PLEKHA5: variants seen among roughly 807,000 people sequenced by gnomAD.
The protein encoded by PLEKHA5 is pleckstrin homology domain-containing family A member 5.
A neutral mutation model predicts 181.9 loss-of-function variants in PLEKHA5; 55 were observed. The observed-to-expected ratio is 0.30, with a 90% CI of 0.24 to 0.38. The LOEUF (loss-of-function observed/expected upper bound fraction) is 0.38. PLEKHA5 is among the 10% of genes least tolerant of loss of function. The probability of loss-of-function intolerance (pLI) is 1.00; values close to 1 mark genes in which losing one functional copy is unlikely to be tolerated. For missense variants in PLEKHA5, 1,432 were observed against 1,549.5 expected, an observed-to-expected ratio of 0.92 and a Z score of 1.27; for synonymous variants, 535 against 529.4, an observed-to-expected ratio of 1.01 and a Z score of -0.15.
intron 3 of PLEKHA5, chr12:19,207,328 T>C (rs572598915): frequency 6.6e-6 from 1 of 152,184 alleles, no homozygotes; most frequent in South Asian, 2.1e-4. Context: ...GAATAGAAGA[T>C]CTATGAAAGA....
intron 3 of PLEKHA5, among the ~76,000 whole-genome samples, chr12:19,204,129 G>T (rs2054837203): frequency 6.6e-6 from 1 of 152,030 alleles, no homozygotes; most frequent in South Asian, 2.1e-4. Flanking sequence ...AGAGGCAGGA[G>T]GGTAGAGGAT....
chr12:19,199,727 C>T (rs991323266), intron 3 of PLEKHA5, among the ~76,000 whole-genome samples: 10 of 152,110 alleles, frequency 6.6e-5, no homozygotes, highest in African/African-American at 2.2e-4. Context: ...GCACATTCTA[C>T]GACTTGAGCT....
chr12:19,283,240 C>CGGG, intron 11 of PLEKHA5, 40 bp from the exon 12 acceptor site: 3 of 1,228,718 alleles, frequency 2.4e-6, no homozygotes, highest in Non-Finnish European at 3.4e-6. Flanking sequence ...GGAAAATAAC[C>CGGG]CTCCTTCATG....
chr12:19,286,340 TA>T (rs769498154), intron 12 of PLEKHA5, among the ~76,000 whole-genome samples: 7 of 152,246 alleles, frequency 4.6e-5, no homozygotes, highest in Non-Finnish European at 8.8e-5. Context: ...AGGTTTCAGA[TA>T]TCACTTTGTA....
Position 19,320,792 on chromosome 12 carries a change from G to A in PLEKHA5, c.2217+168G>A, listed in dbSNP as rs112186945. 1.4e-3 allele frequency: 571 copies of A among 414,944 alleles called. 2 individuals carry two copies. The highest frequency in any genetic ancestry group is 0.011 in the African/African-American group (527 of 48,618). 25.7% of individuals were successfully genotyped at this position (414,944 alleles called of 1,614,324 possible). A position where few individuals can be genotyped will look rare whatever the true frequency, so the allele number is the denominator to read the frequency against. On this transcript the variant is annotated intron_variant, in intron 18 of 31. Coordinates refer to ENST00000429027, the MANE Select transcript of PLEKHA5 (RefSeq NM_001256470.2). ...TAAATTATTATTCCCTGCCCTCTAC[G>A]TCCCACTGCTCCCTATTGTTAGCAG...
chr12:19,150,845 G>C (rs1478743667), intron 3 of PLEKHA5: 2 of 152,240 alleles, frequency 1.3e-5, no homozygotes, highest in African/African-American at 4.8e-5. Flanking sequence ...AGATGAGCAG[G>C]AGAGTTAGGG....
intron 3 of PLEKHA5, among the ~76,000 whole-genome samples, chr12:19,180,853 C>G (rs1400196891): frequency 6.7e-6 from 1 of 150,286 alleles, no homozygotes; most frequent in Non-Finnish European, 1.5e-5. Context: ...TTTATATGCA[C>G]CTACGGCTCC....
chr12:19,302,435 G>A (rs1043868457), intron 15 of PLEKHA5, among the ~76,000 whole-genome samples: 1 of 152,146 alleles, frequency 6.6e-6, no homozygotes, highest in African/African-American at 2.4e-5. Flanking sequence ...GTCCTCTGTC[G>A]CCGAGGCTGG....
At chr12:19,228,501 G>C (rs2059998016) in intron 3 of PLEKHA5, among the ~76,000 whole-genome samples, 6 of 152,010 alleles carry the variant, frequency 3.9e-5, no homozygotes, top group Admixed American at 3.9e-4. Context: ...CTAATTATAT[G>C]TCAGACACTA....
chr12:19,331,163 TCTTACAATATTTA>T (rs1181794173), intron 20 of PLEKHA5, among the ~76,000 whole-genome samples: 2 of 152,264 alleles, frequency 1.3e-5, no homozygotes, highest in South Asian at 4.1e-4. Context: ...CCACCTGTAG[TCTTACAATATTTA>T]CTTGATTATT....
intron 20 of PLEKHA5, among the ~76,000 whole-genome samples, chr12:19,333,731 C>T (rs1720788256): frequency 6.6e-6 from 1 of 151,348 alleles, no homozygotes; most frequent in Admixed American, 6.6e-5. Context: ...GTCTCGGCCT[C>T]CCAAGTAGCT....
intron 27 of PLEKHA5, among the ~76,000 whole-genome samples, chr12:19,358,992 T>C (rs2095089643): frequency 6.6e-6 from 1 of 152,224 alleles, no homozygotes; most frequent in African/African-American, 2.4e-5. Flanking sequence ...ACCTGTTCAG[T>C]AGCTTCTGTC....
intron 3 of PLEKHA5, among the ~76,000 whole-genome samples, chr12:19,198,755 G>GAA (rs3056416): frequency 2.6e-5 from 4 of 152,140 alleles, no homozygotes; most frequent in Admixed American, 6.6e-5. Context: ...GGCAGAGTGG[G>GAA]AAAAAAAGTG....
chr12:19,266,269 T>C (rs1474421422), intron 8 of PLEKHA5, among the ~76,000 whole-genome samples: 1 of 148,960 alleles, frequency 6.7e-6, no homozygotes, highest in Non-Finnish European at 1.5e-5. Context: ...AGTCCAGGAG[T>C]TGAGCCTGGG....
At chr12:19,229,367 T>A (rs1244518310) in intron 3 of PLEKHA5, among the ~76,000 whole-genome samples, 1 of 152,008 alleles carries the variant, frequency 6.6e-6, no homozygotes, top group Admixed American at 6.6e-5. Context: ...GTGTCCAGAG[T>A]TTGTTCCTTC....
At chr12:19,266,384 C>T (rs907558377) in intron 8 of PLEKHA5, among the ~76,000 whole-genome samples, 2 of 151,294 alleles carry the variant, frequency 1.3e-5, no homozygotes, top group Admixed American at 6.6e-5. Flanking sequence ...CTTGGGAGGC[C>T]GAGGTGAAAG....
intron 14 of PLEKHA5, among the ~76,000 whole-genome samples, chr12:19,291,374 A>T (rs1363820210): frequency 2.0e-5 from 3 of 152,184 alleles, no homozygotes; most frequent in Non-Finnish European, 2.9e-5. Flanking sequence ...TCTAACAGTC[A>T]GTTTGCTAAA....
intron 26 of PLEKHA5, among the ~76,000 whole-genome samples, chr12:19,356,881 T>C (rs2094961839): frequency 6.6e-6 from 1 of 151,838 alleles, no homozygotes; most frequent in African/African-American, 2.4e-5. Flanking sequence ...GGCTGGTCTC[T>C]AACTCCTGAC....
chr12:19,153,575 G>C (rs2040969143), intron 3 of PLEKHA5: 2 of 152,118 alleles, frequency 1.3e-5, no homozygotes, highest in Admixed American at 1.3e-4. Context: ...CAGTGATACA[G>C]TTGTTACAAT....
Sources: allele counts gnomAD v4.1 joint callset (sites outside exome capture counted in the v4.1 genomes callset), GRCh38; gene constraint gnomAD v4.1.1; transcripts MANE v1.5; gene names NCBI Gene and HGNC (gene_info 2026-07-23, HGNC 2026-07-21).